PSG9: variants seen among roughly 807,000 people sequenced by gnomAD.
PSG9 encodes pregnancy specific beta-1-glycoprotein 9.
In PSG9, 49 loss-of-function variants were observed where a neutral mutation model predicts 41.9. The observed-to-expected ratio is 1.17, with a 90% CI of 0.93 to 1.48. The LOEUF is 1.48. PSG9 is among the 40% of genes most tolerant of loss of function. PSG9 has a pLI of 0.00. For missense variants in PSG9, 641 were observed against 520.3 expected (o/e 1.23, Z -2.26); for synonymous variants, 263 against 196.8 (o/e 1.34, Z -2.82).
chr19:43,262,160 G>C (rs1307331591), intron 2 of PSG9, 22 bp from the exon 3 acceptor site: 1 of 1,605,064 alleles, frequency 6.2e-7, no homozygotes, highest in Non-Finnish European at 8.5e-7. Context: ...ACAGAGAGAA[G>C]ATTGCCCTGT....
intron 4 of PSG9, among the ~76,000 whole-genome samples, 182 bp from the exon 5 acceptor site, chr19:43,258,638 G>A (rs1356509229): frequency 4.1e-5 from 6 of 145,986 alleles, no homozygotes; most frequent in Non-Finnish European, 5.9e-5. Flanking sequence ...CACAAGCTGT[G>A]GGCCCCAAGT....
rs757078118 is a variant in PSG9, at chr19:43,269,400, T to C, written c.32A>G (p.Gln11Arg). 1.4e-5 allele frequency: 22 copies of C among 1,613,588 alleles called. No homozygotes were observed. Among genetic ancestry groups the C allele is most frequent in the Non-Finnish European group, 1.7e-5 (20 of 1,179,720 alleles). MGPLPAPSCT[Q>R]RITWKGLLLT... ...CAGGAGCCCCTTCCAGGTGATGCGCTGTGTGCAGGAAGGGGCTGGGAGGGG... is the reference window on the plus strand; with the variant it reads ...CAGGAGCCCCTTCCAGGTGATGCGCCGTGTGCAGGAAGGGGCTGGGAGGGG... The change falls in exon 1 of 6, where the codon CAG becomes CGG. Residue 11 changes from glutamine to arginine, a missense_variant. Gln to Arg is a conservative substitution (Grantham distance 43, BLOSUM62 1). Coordinates refer to ENST00000270077, the MANE Select transcript of PSG9 (RefSeq NM_002784.5).
Position 43,259,120 on chromosome 19 carries a change from G to A in PSG9, c.725C>T (p.Pro242Leu). ...TLNLLPKLPI[P>L]YITINNLNPR... ...GTTTAAGTTGTTGATGGTGATGTAG[G>A]GGATGGGCAGCTTCGCTGTGTGGAT... Residue 242 changes from proline to leucine, a missense_variant, in exon 4 of 6, where the codon CCC (proline) becomes CTC (leucine). Coordinates refer to ENST00000270077, the MANE Select transcript of PSG9 (RefSeq NM_002784.5). The A allele has an allele frequency of 6.3e-7, 1 of 1,590,496 alleles. No homozygotes were observed. The highest frequency in any genetic ancestry group is 8.5e-7 in the Non-Finnish European group (1 of 1,174,288).
At position 43,253,331 on chromosome 19, in the gene PSG9, AT is replaced by A. The variant is rs1568408035; in HGVS notation, c.*277del. 1.3e-5 allele frequency: 4 copies of A among 299,468 alleles called. No homozygotes were observed. The highest frequency in any genetic ancestry group is 1.8e-5 in the Non-Finnish European group (3 of 166,780). 18.6% of individuals were successfully genotyped at this position (299,468 alleles called of 1,614,324 possible). On this transcript the variant is annotated 3_prime_UTR_variant, in exon 6 of 6. Transcript: ENST00000270077. ...TATTACCATAAACCTATGAATACTCATGAATAGTTTCACAATTCTGGGGCAT... is the reference window on the plus strand; with the variant it reads ...TATTACCATAAACCTATGAATACTCAGAATAGTTTCACAATTCTGGGGCAT...
chr19:43,264,450 T>C (rs1323351095), intron 2 of PSG9, among the ~76,000 whole-genome samples: 1 of 152,034 alleles, frequency 6.6e-6, no homozygotes, highest in Non-Finnish European at 1.5e-5. Flanking sequence ...GCATTCTTCA[T>C]TTCTCTGACA....
At chr19:43,264,031 T>G (rs1281698839) in intron 2 of PSG9, among the ~76,000 whole-genome samples, 10 of 152,124 alleles carry the variant, frequency 6.6e-5, no homozygotes, top group Non-Finnish European at 1.0e-4. Flanking sequence ...AATTTAAGTC[T>G]GTGTGAATCA....
At position 43,257,230 on chromosome 19, in the gene PSG9, A is replaced by G. The variant is rs1229963573; in HGVS notation, c.1243+972T>C. 1.1e-5 allele frequency: 4 copies of G among 369,344 alleles called. 1 individual carries two copies. The highest frequency in any genetic ancestry group is 1.5e-5 in the Non-Finnish European group (4 of 273,304). The allele number at this position is 369,344 out of a possible 1,614,324, so 22.9% of individuals were successfully genotyped here. A position where few individuals can be genotyped will look rare whatever the true frequency, so the allele number is the denominator to read the frequency against. ...GTGAGAGTTACTGTTTATTGGGTAC[A>G]GAGGTTTAATATGGTAAGAGGAAAA... On this transcript the variant is annotated intron_variant, in intron 5 of 5. Transcript: ENST00000270077.
chr19:43,256,894 G>A (rs1409713588), intron 5 of PSG9, among the ~76,000 whole-genome samples: 1 of 146,768 alleles, frequency 6.8e-6, no homozygotes, highest in Non-Finnish European at 1.5e-5. Context: ...ACAAATATTT[G>A]TACACTGATG....
At position 43,261,849 on chromosome 19, in the gene PSG9, A is replaced by C. The variant is rs372374176; in HGVS notation, c.709+11T>G. 3.7e-6 allele frequency: 6 copies of C among 1,614,092 alleles called. No homozygotes were observed. Among genetic ancestry groups the C allele is most frequent in the East Asian group, 4.5e-5 (2 of 44,876 alleles). ...GGCAGCCTGGCTCACAGAGGAACAG[A>C]AGATACTCACGGAGGAGATTCAGGG... On this transcript the variant is annotated intron_variant, in intron 3 of 5. Transcript: ENST00000270077.
chr19:43,257,524 C>A, intron 5 of PSG9: 9 of 978,422 alleles, frequency 9.2e-6, no homozygotes, highest in Non-Finnish European at 1.1e-5. Flanking sequence ...GACTTCAGAG[C>A]CAGGACGCAG....
intron 5 of PSG9, chr19:43,257,557 C>G (rs1382603906): frequency 1.0e-6 from 1 of 981,822 alleles, no homozygotes; most frequent in East Asian, 1.3e-4. Context: ...CCCTGAGGCT[C>G]CCTCTCTTCT....
chr19:43,257,655 T>C, intron 5 of PSG9: 1 of 1,040,738 alleles, frequency 9.6e-7, no homozygotes, highest in Non-Finnish European at 1.1e-6. Context: ...CAGGGCCCTT[T>C]CTACACACAC....
rs2122509716 is a variant in PSG9, at chr19:43,258,197, C to T, written c.1243+5G>A. 6.3e-7 allele frequency: 1 copy of T among 1,592,806 alleles called. No homozygotes were observed. The highest frequency in any genetic ancestry group is 1.7e-4 in the Middle Eastern group (1 of 5,898). Reference sequence around the variant, plus strand: ...CTACTGCCAAGGATGCTGGGATCCACTTACCAGAGACTTTGACTGTCATGG... The same window carrying T: ...CTACTGCCAAGGATGCTGGGATCCATTTACCAGAGACTTTGACTGTCATGG... On this transcript the variant is annotated splice_donor_5th_base_variant and intron_variant, in intron 5 of 5. Transcript: ENST00000270077.
At position 43,261,892 on chromosome 19, in the gene PSG9, C is replaced by T. The variant is rs115363320; in HGVS notation, c.677G>A (p.Ser226Asn). Residue 226 changes from serine (S) to asparagine (N), a missense_variant, in exon 3 of 6, where the codon AGT (serine) becomes AAT (asparagine). Coordinates refer to ENST00000270077, the MANE Select transcript of PSG9 (RefSeq NM_002784.5). ...ECEIRNPVSA[S>N]RSDPVTLNLL... Reference sequence around the variant, plus strand: ...ATTCAGGGTGACTGGGTCACTGCGACTGGCACTCACTGGGTTCCGTATTTC... The same window carrying T: ...ATTCAGGGTGACTGGGTCACTGCGATTGGCACTCACTGGGTTCCGTATTTC... 1 of 1,614,056 alleles carries T rather than the reference C, an allele frequency of 6.2e-7. No homozygotes were observed. The highest frequency in any genetic ancestry group is 8.5e-7 in the Non-Finnish European group (1 of 1,179,942).
Position 43,267,975 on chromosome 19 carries a change from A to G in PSG9, c.239T>C (p.Ile80Thr). ...TATTTTACCATCAACTATATACGAT[A>G]TAATGTAATGGTAGAGGTCCGTCAT... Reference protein sequence around the residue: ...GEMTDLYHYIISYIVDGKIII... With the variant: ...GEMTDLYHYITSYIVDGKIII... Residue 80 changes from isoleucine to threonine, a missense_variant, in exon 2 of 6, where the codon ATA becomes ACA. Coordinates refer to ENST00000270077, the MANE Select transcript of PSG9 (RefSeq NM_002784.5). 6.2e-7 allele frequency: 1 copy of G among 1,613,704 alleles called. No homozygotes were observed. Among genetic ancestry groups the G allele is most frequent in the East Asian group, 2.2e-5 (1 of 44,862 alleles).
chr19:43,265,947 T>G (rs1599838751), intron 2 of PSG9, among the ~76,000 whole-genome samples: 1 of 150,694 alleles, frequency 6.6e-6, no homozygotes, highest in African/African-American at 2.4e-5. Flanking sequence ...TCCTGGGAGG[T>G]GGGCCAGGCC....
Position 43,266,025 on chromosome 19 carries a change from G to T in PSG9, c.430+1759C>A, listed in dbSNP as rs764718270. 3.3e-5 allele frequency among the ~76,000 whole-genome samples: 5 copies of T among 151,942 alleles called. 1 individual carries two copies. Among genetic ancestry groups the T allele is most frequent in the Non-Finnish European group, 7.4e-5 (5 of 67,950 alleles). On this transcript the variant is annotated intron_variant, in intron 2 of 5. Transcript: ENST00000270077. ...AGGGAATGTCTGGGGAAGGCCTAGG[G>T]GTGGGGGAAGAAGCTGTGCAGGACA...
chr19:43,260,289 T>G (rs918590855), intron 3 of PSG9: 1 of 146,958 alleles, frequency 6.8e-6, no homozygotes, highest in Admixed American at 6.8e-5. Flanking sequence ...TCACACAGAT[T>G]GAGTATTTCT....
intron 2 of PSG9, among the ~76,000 whole-genome samples, chr19:43,267,294 A>C (rs1434539245): frequency 2.0e-5 from 3 of 152,074 alleles, no homozygotes; most frequent in Non-Finnish European, 1.5e-5. Flanking sequence ...ACAGCTGGTA[A>C]ATTCTTGGTC....
Sources: gnomAD v4.1 joint callset for allele counts (sites outside exome capture counted in the v4.1 genomes callset) on GRCh38, gnomAD v4.1.1 for gene constraint, MANE v1.5 for transcripts, NCBI Gene and HGNC (gene_info 2026-07-23, HGNC 2026-07-21) for gene names.